The following SYNE1 variants were observed in gnomAD, a reference collection of about 807,000 sequenced individuals.
The protein encoded by SYNE1 is nesprin-1.
Under a neutral mutation model 1,111.0 loss-of-function variants are expected in SYNE1, and 616 were observed. That is an observed-to-expected ratio of 0.55 (90% confidence interval 0.52 to 0.59). The LOEUF (loss-of-function observed/expected upper bound fraction) is 0.59. SYNE1 is among the 20% of genes least tolerant of loss of function. The pLI is 0.00. For synonymous variants in SYNE1, 3,855 were observed against 3,825.8 expected (o/e 1.01, Z -0.28); for missense variants, 10,006 against 10,417.0 (o/e 0.96, Z 1.72).
At chr6:152,417,087 T>A in intron 40 of SYNE1, 72 bp from the exon 41 acceptor site, 4 of 1,598,854 alleles carry the variant, frequency 2.5e-6, no homozygotes, top group Non-Finnish European at 3.4e-6. Flanking sequence ...TTACAGGATT[T>A]GTGATGTGAA....
At chr6:152,351,747 C>T (rs2096744767) in intron 70 of SYNE1, among the ~76,000 whole-genome samples, 1 of 152,168 alleles carries the variant, frequency 6.6e-6, no homozygotes, top group South Asian at 2.1e-4. Context: ...CTGGCTCACG[C>T]ATCAGAAAAG....
At chr6:152,519,326 G>A (rs2099127717) in intron 6 of SYNE1, among the ~76,000 whole-genome samples, 1 of 152,114 alleles carries the variant, frequency 6.6e-6, no homozygotes, top group African/African-American at 2.4e-5. Context: ...CAGGACTGGG[G>A]AGGGAAAATT....
chr6:152,617,176 A>G (rs555943721), intron 3 of SYNE1, among the ~76,000 whole-genome samples: 4 of 152,310 alleles, frequency 2.6e-5, no homozygotes, highest in East Asian at 1.9e-4. Flanking sequence ...ATTATGAACT[A>G]TAAGTTCCTT....
chr6:152,533,966 C>T (rs907331162), intron 4 of SYNE1, among the ~76,000 whole-genome samples: 4 of 152,034 alleles, frequency 2.6e-5, no homozygotes, highest in African/African-American at 9.7e-5. Flanking sequence ...CAGGACCAGC[C>T]TGGCCAACAT....
At chr6:152,288,633 GC>G (rs1562805752) in intron 95 of SYNE1, among the ~76,000 whole-genome samples, 1 of 152,056 alleles carries the variant, frequency 6.6e-6, no homozygotes, top group African/African-American at 2.4e-5. Context: ...TGCAACCTCC[GC>G]CCCCTGAGTT....
At chr6:152,363,227 A>G (rs62426386) in intron 63 of SYNE1, among the ~76,000 whole-genome samples, 99,124 of 143,698 alleles carry the variant, frequency 0.69, 34,303 homozygotes, top group East Asian at 0.79. Context: ...GGGCGCGGTG[A>G]CTCACGCCTG....
intron 11 of SYNE1, 77 bp from the exon 12 acceptor site, chr6:152,488,580 T>C: frequency 1.2e-6 from 1 of 835,642 alleles, no homozygotes; most frequent in Middle Eastern, 2.8e-4. Flanking sequence ...TGACTGATTC[T>C]AGAAGAGACT....
chr6:152,123,543 G>C (rs536863109), intron 145 of SYNE1, among the ~76,000 whole-genome samples: 335 of 152,292 alleles, frequency 2.2e-3, no homozygotes, highest in Non-Finnish European at 3.8e-3. Flanking sequence ...GGAAAATACA[G>C]AATCTGGAAG....
At chr6:152,275,276 T>A (rs1270017521) in intron 98 of SYNE1, among the ~76,000 whole-genome samples, 1 of 151,814 alleles carries the variant, frequency 6.6e-6, no homozygotes, top group Non-Finnish European at 1.5e-5. Context: ...TTCCCTATCC[T>A]AAGATTAAAA....
chr6:152,628,374 C>A lies in SYNE1; in HGVS notation c.-43G>T, dbSNP rs2099690476. ...GAAGCCAACACCAAGAGACTCTTCA[C>A]TGGAGGCAGCACAGGGCTACACCAC... On this transcript the variant is annotated 5_prime_UTR_variant, in exon 3 of 146. Transcript: ENST00000367255. 3 of 1,593,678 alleles carry A rather than the reference C, an allele frequency of 1.9e-6. No homozygotes were observed. Among genetic ancestry groups the A allele is most frequent in the Admixed American group, 3.3e-5 (2 of 59,990 alleles).
intron 25 of SYNE1, 129 bp downstream of exon 25, chr6:152,453,457 T>A: frequency 7.0e-7 from 1 of 1,428,162 alleles, no homozygotes; most frequent in Non-Finnish European, 9.8e-7. Context: ...TTTTTGAGTT[T>A]TTAAATGAGC....
intron 49 of SYNE1, among the ~76,000 whole-genome samples, chr6:152,397,920 G>A (rs893663607): frequency 3.3e-5 from 5 of 150,996 alleles, no homozygotes; most frequent in African/African-American, 1.2e-4. Context: ...AGAATCACTT[G>A]AACCCAGGAG....
chr6:152,194,115 A>C (rs1426570552), intron 127 of SYNE1, among the ~76,000 whole-genome samples: 1 of 152,078 alleles, frequency 6.6e-6, no homozygotes, highest in Admixed American at 6.6e-5. Context: ...GCACCTTCAC[A>C]TGCTTTCTTA....
intron 91 of SYNE1, among the ~76,000 whole-genome samples, chr6:152,303,960 C>T (rs1333775813): frequency 2.6e-5 from 4 of 152,274 alleles, no homozygotes; most frequent in South Asian, 2.1e-4. Flanking sequence ...TTTGTTTCTT[C>T]CTGCCCAACT....
rs756799542 is a variant in SYNE1 at position 152,510,360 on chromosome 6, C to T, written c.414G>A (p.Leu138=). 9.3e-6 allele frequency: 15 copies of T among 1,613,558 alleles called. No individual in the cohort carries two copies. Among genetic ancestry groups the T allele is most frequent in the Non-Finnish European group, 1.1e-5 (13 of 1,179,920 alleles). The change falls in exon 8 of 146, where the codon TTG becomes TTA. Residue 138 remains leucine (L), a synonymous_variant. Transcript: ENST00000367255. ...ACTGGAGCTGGGGCAGGTTGCTGGT[C>T]AACTCTTCAATCTGTTTGTGAGTTA... ...TIILYFQIEE[L]TSNLPQLQSL... is the part of the protein sequence containing the mutation.
intron 126 of SYNE1, among the ~76,000 whole-genome samples, chr6:152,202,425 A>G (rs375999574): frequency 1.1e-4 from 17 of 150,776 alleles, no homozygotes; most frequent in South Asian, 6.3e-4. Flanking sequence ...GTATGCCCAC[A>G]CTCATTGCCA....
chr6:152,287,542 TTTA>T (rs1374723818), intron 95 of SYNE1, among the ~76,000 whole-genome samples: 1 of 152,192 alleles, frequency 6.6e-6, no homozygotes, highest in African/African-American at 2.4e-5. Context: ...TGCAGCATAC[TTTA>T]TTATTATTAT....
intron 116 of SYNE1, 95 bp from the exon 117 acceptor site, chr6:152,224,759 T>G (rs957023478): frequency 7.9e-7 from 1 of 1,261,130 alleles, no homozygotes; most frequent in Middle Eastern, 2.0e-4. Flanking sequence ...ATCTAAGAAC[T>G]TCATCAGGGT....
In SYNE1 at chr6:152,368,989, G is replaced by A. The variant is rs1320359350; in HGVS notation, c.9790C>T (p.Leu3264=). The A allele has an allele frequency of 3.1e-6, 5 of 1,614,056 alleles. No individual in the cohort carries two copies. Among genetic ancestry groups the A allele is most frequent in the Non-Finnish European group, 4.2e-6 (5 of 1,180,044 alleles). ...VSQLSSQYLA[L]SNLTKEKVSR... is the part of the protein sequence containing the mutation. ...GGCGTTACCTTTGTTAAATTGCTTA[G>A]CGCTAGATACTGAGAAGACAGCTGC... The change falls in exon 61 of 146, where the codon CTA becomes TTA. Residue 3264 remains leucine (L), a synonymous_variant. Transcript: ENST00000367255.
Sources: gnomAD v4.1 joint callset for allele counts (sites outside exome capture counted in the v4.1 genomes callset) on GRCh38, gnomAD v4.1.1 for gene constraint, MANE v1.5 for transcripts, NCBI Gene and HGNC (gene_info 2026-07-23, HGNC 2026-07-21) for gene names.